GFRA2: variants seen among roughly 807,000 people sequenced by gnomAD.
The protein encoded by GFRA2 is GDNF family receptor alpha-2.
Under a neutral mutation model 48.3 loss-of-function variants are expected in GFRA2, and 17 were observed. The ratio of observed to expected loss-of-function variants is 0.35; its 90% CI spans 0.24 to 0.53. The LOEUF is 0.53. Ranked by LOEUF, GFRA2 falls within the 20% of genes least tolerant of loss-of-function variation. GFRA2 has a pLI of 0.93. For missense variants in GFRA2, 660 were observed against 637.3 expected (o/e 1.04, Z -0.38); for synonymous variants, 305 against 257.2 (o/e 1.19, Z -1.78).
At chr8:21,733,081 T>C (rs1274197831) in intron 4 of GFRA2, among the ~76,000 whole-genome samples, 3 of 152,224 alleles carry the variant, frequency 2.0e-5, no homozygotes, top group Non-Finnish European at 4.4e-5. Context: ...ACTTATCTGC[T>C]GGCTGCCGGC....
At chr8:21,718,750 T>C (rs1156807979) in intron 4 of GFRA2, among the ~76,000 whole-genome samples, 1 of 152,156 alleles carries the variant, frequency 6.6e-6, no homozygotes, top group African/African-American at 2.4e-5. Flanking sequence ...ATTGGAATCA[T>C]TGCTCCATTT....
intron 4 of GFRA2, among the ~76,000 whole-genome samples, chr8:21,733,558 G>A (rs11990240): frequency 2.6e-5 from 4 of 152,136 alleles, no homozygotes; most frequent in African/African-American, 9.7e-5. Context: ...AGCCCTTCCC[G>A]CATTTTAAAC....
At chr8:21,729,461 A>T (rs1804069264) in intron 4 of GFRA2, among the ~76,000 whole-genome samples, 1 of 152,126 alleles carries the variant, frequency 6.6e-6, no homozygotes, top group Non-Finnish European at 1.5e-5. Flanking sequence ...CCCAAGGGGA[A>T]GAAGGTCTCA....
intron 2 of GFRA2, among the ~76,000 whole-genome samples, chr8:21,778,830 T>C (rs1806835354): frequency 6.6e-6 from 1 of 152,028 alleles, no homozygotes; most frequent in South Asian, 2.1e-4. Context: ...GAGGCTGCAG[T>C]GAGCTATGAT....
chr8:21,698,538 A>G (rs1802321557), intron 7 of GFRA2, among the ~76,000 whole-genome samples: 1 of 152,158 alleles, frequency 6.6e-6, no homozygotes, highest in South Asian at 2.1e-4. Context: ...GGCTGAAGCC[A>G]TGGCTCTCCT....
At chr8:21,789,619 C>T (rs1311664806), upstream of GFRA2, among the ~76,000 whole-genome samples, 3 of 152,026 alleles carry the variant, frequency 2.0e-5, no homozygotes, top group Non-Finnish European at 4.4e-5. Flanking sequence ...CCGCGCGCCC[C>T]CGAACCCAAC....
rs993913040 is a variant in GFRA2, at chr8:21,696,515, A to G, written c.1219-1998T>C. Among the ~76,000 whole-genome samples the G allele has an allele frequency of 3.6e-4, 54 of 152,040 alleles. 1 individual carries two copies. Among genetic ancestry groups the G allele is most frequent in the Admixed American group, 3.3e-4 (5 of 15,270 alleles). ...ACAATGTGCTGTGGCTGTGGGTGCCACTCTCAGGGGAGCCCCGGACCTAGA... is the reference window on the plus strand; with the variant it reads ...ACAATGTGCTGTGGCTGTGGGTGCCGCTCTCAGGGGAGCCCCGGACCTAGA... On this transcript the variant is annotated intron_variant, in intron 7 of 8. Transcript: ENST00000524240.
chr8:21,719,076 C>T (rs1407273708), intron 4 of GFRA2, among the ~76,000 whole-genome samples: 1 of 152,140 alleles, frequency 6.6e-6, no homozygotes, highest in Admixed American at 6.5e-5. Flanking sequence ...TCTGGGGGAG[C>T]CATGAAGGTG....
At chr8:21,775,413 G>A (rs1482241076) in intron 2 of GFRA2, among the ~76,000 whole-genome samples, 1 of 152,186 alleles carries the variant, frequency 6.6e-6, no homozygotes, top group African/African-American at 2.4e-5. Flanking sequence ...GTAAGGCCAG[G>A]TATCAATTGC....
upstream of GFRA2, among the ~76,000 whole-genome samples, chr8:21,792,239 G>A (rs1807585825): frequency 6.6e-6 from 1 of 152,236 alleles, no homozygotes; most frequent in Non-Finnish European, 1.5e-5. Context: ...GCACACATGC[G>A]CACCTAGGCC....
At chr8:21,805,198 A>G (rs558745793) in intron 1 of GFRA2, 2 of 152,282 alleles carry the variant, frequency 1.3e-5, no homozygotes, top group East Asian at 3.9e-4. Context: ...TTAAGTTCCT[A>G]CCTTCCTGTG....
chr8:21,720,326 A>G (rs1803534676), intron 4 of GFRA2, among the ~76,000 whole-genome samples: 2 of 152,144 alleles, frequency 1.3e-5, no homozygotes, highest in Admixed American at 6.5e-5. Context: ...GCCAGTCACA[A>G]AGGGTATAGC....
chr8:21,746,299 G>A (rs1439169645), intron 4 of GFRA2, among the ~76,000 whole-genome samples: 1 of 152,148 alleles, frequency 6.6e-6, no homozygotes, highest in African/African-American at 2.4e-5. Flanking sequence ...CATGCACAAG[G>A]TTCCCTAAAG....
chr8:21,699,297 G>A (rs889119062), intron 7 of GFRA2, among the ~76,000 whole-genome samples: 15 of 152,226 alleles, frequency 9.9e-5, no homozygotes, highest in East Asian at 5.8e-4. Context: ...AGAGGTGGCC[G>A]CTGGCTGCAG....
intron 3 of GFRA2, among the ~76,000 whole-genome samples, chr8:21,760,604 T>C (rs1805858343): frequency 6.6e-6 from 1 of 152,150 alleles, no homozygotes; most frequent in African/African-American, 2.4e-5. Flanking sequence ...TTGAGATGTC[T>C]ATTAGATGTC....
upstream of GFRA2, chr8:21,788,893 C>T (rs892088383): frequency 2.9e-6 from 2 of 685,320 alleles, no homozygotes. Context: ...CTCCTCTCTC[C>T]CTCCCCCTTC....
At chr8:21,795,371 C>A (rs2086236) in intron 2 of GFRA2, among the ~76,000 whole-genome samples, 1 of 145,064 alleles carries the variant, frequency 6.9e-6, no homozygotes, top group African/African-American at 2.8e-5. Flanking sequence ...TTTCTTTTTT[C>A]TTTTTTCTTT....
At chr8:21,763,818 GC>G (rs1207023934) in intron 3 of GFRA2, among the ~76,000 whole-genome samples, 1 of 151,306 alleles carries the variant, frequency 6.6e-6, no homozygotes, top group African/African-American at 2.4e-5. Context: ...TTCCCAGCCT[GC>G]ATGAAACCCC....
chr8:21,765,121 A>AT (rs199690670), intron 3 of GFRA2, among the ~76,000 whole-genome samples: 148 of 150,764 alleles, frequency 9.8e-4, no homozygotes, highest in African/African-American at 2.2e-3. Context: ...TTATTTATTT[A>AT]TTTTTTTTGA....
Sources: gnomAD v4.1 joint callset for allele counts (sites outside exome capture counted in the v4.1 genomes callset) on GRCh38, gnomAD v4.1.1 for gene constraint, MANE v1.5 for transcripts, NCBI Gene and HGNC (gene_info 2026-07-23, HGNC 2026-07-21) for gene names.